CSNK1G2: variants seen among roughly 807,000 people sequenced by gnomAD.
CSNK1G2 encodes the protein casein kinase I isoform gamma-2.
A neutral mutation model predicts 48.0 loss-of-function variants in CSNK1G2; 11 were observed. The ratio of observed to expected loss-of-function variants is 0.23; its 90% CI spans 0.14 to 0.38. CSNK1G2 has a LOEUF of 0.38. Ranked by LOEUF, CSNK1G2 falls within the 10% of genes least tolerant of loss-of-function variation. CSNK1G2 has a pLI of 1.00. For synonymous variants in CSNK1G2, 337 were observed against 254.1 expected (o/e 1.33, Z -3.10); for missense variants, 446 against 595.5 (o/e 0.75, Z 2.61).
intron 1 of CSNK1G2, among the ~76,000 whole-genome samples, chr19:1,963,305 G>A (rs531560319): frequency 3.3e-5 from 5 of 151,944 alleles, no homozygotes; most frequent in African/African-American, 4.8e-5. Context: ...TCCACCTCCC[G>A]GGTTCATGCC....
Position 1,978,828 on chromosome 19 carries a change from G to A in CSNK1G2, c.448-31G>A. On this transcript the variant is annotated intron_variant, in intron 5 of 11. Coordinates refer to ENST00000255641, the MANE Select transcript of CSNK1G2 (RefSeq NM_001319.7). The surrounding 1 kb of genome is among the most constrained non-coding windows in gnomAD (Gnocchi z 7.3). ...AGGGGAGCGCGTGGGACGGGGAGGG[G>A]CCCGGCCGACACCGCCGTGCCCCCC... 2 of 1,592,384 alleles carry A rather than the reference G, an allele frequency of 1.3e-6. No individual in the cohort carries two copies. The highest frequency in any genetic ancestry group is 1.3e-5 in the African/African-American group (1 of 74,536).
intron 1 of CSNK1G2, chr19:1,942,627 T>A (rs2014409330): frequency 6.6e-6 from 1 of 150,954 alleles, no homozygotes; most frequent in Non-Finnish European, 1.5e-5. Flanking sequence ...CAAAGGCTCC[T>A]GTCTGGGGGA....
intron 2 of CSNK1G2, among the ~76,000 whole-genome samples, chr19:1,976,761 CAG>C (rs2015770964): frequency 3.4e-5 from 5 of 148,126 alleles, no homozygotes; most frequent in Admixed American, 6.7e-5. Context: ...TTTTTTGAGA[CAG>C]AGTTTCTCTC....
intron 1 of CSNK1G2, among the ~76,000 whole-genome samples, chr19:1,964,303 CA>C (rs542361268): frequency 1.6e-5 from 2 of 126,474 alleles, no homozygotes; most frequent in Non-Finnish European, 3.3e-5. Context: ...AAAAAAAAAA[CA>C]AAAAAAAACC....
Position 1,951,167 on chromosome 19 carries a change from C to T in CSNK1G2, c.-266+9749C>T, listed in dbSNP as rs184155228. Among the ~76,000 whole-genome samples the T allele has an allele frequency of 2.1e-4, 30 of 145,366 alleles. 7 individuals carry two copies. In the East Asian group the frequency reaches 4.5e-3, roughly 22 times the overall value. ...CTGTAATCCCAGCACTTTGGGAGGCCGAGACGGGCAGATCACGAGGTCAGG... is the reference window on the plus strand; with the variant it reads ...CTGTAATCCCAGCACTTTGGGAGGCTGAGACGGGCAGATCACGAGGTCAGG... On this transcript the variant is annotated intron_variant, in intron 1 of 11. Coordinates refer to ENST00000255641, the MANE Select transcript of CSNK1G2 (RefSeq NM_001319.7).
At chr19:1,945,489 G>A (rs774569058) in intron 1 of CSNK1G2, among the ~76,000 whole-genome samples, 4 of 152,222 alleles carry the variant, frequency 2.6e-5, no homozygotes, top group Non-Finnish European at 5.9e-5. Flanking sequence ...TCCCTGCACC[G>A]TGAGGCCCGA....
Position 1,959,790 on chromosome 19 carries a change from A to G in CSNK1G2, c.-265-9718A>G, listed in dbSNP as rs368125343. ...CAGCACCCGTCCCACCTTTAGTGCC[A>G]CCCTGGGTCCCCCAGCACCCGCCCC... On this transcript the variant is annotated intron_variant, in intron 1 of 11. Coordinates refer to ENST00000255641, the MANE Select transcript of CSNK1G2 (RefSeq NM_001319.7). Among the ~76,000 whole-genome samples the G allele has an allele frequency of 1.8e-5, 2 of 112,698 alleles. 1 individual carries two copies. The highest frequency in any genetic ancestry group is 3.3e-5 in the Non-Finnish European group (2 of 60,532). 73.9% of individuals were successfully genotyped at this position (112,698 alleles called of 152,430 possible).
chr19:1,961,542 G>A (rs1173564704), intron 1 of CSNK1G2, among the ~76,000 whole-genome samples: 1 of 152,248 alleles, frequency 6.6e-6, no homozygotes, highest in Non-Finnish European at 1.5e-5. Flanking sequence ...GGGATCCCAG[G>A]ACAGTGGAGC....
rs781397404 is a variant in CSNK1G2, at chr19:1,979,158, C to T, written c.683-5C>T. 7.8e-6 allele frequency: 12 copies of T among 1,532,418 alleles called. No homozygotes were observed. The African/African-American group carries it at 1.2e-4, about 16-fold the overall frequency. 94.9% of individuals were successfully genotyped at this position (1,532,418 alleles called of 1,614,324 possible). A position where few individuals can be genotyped will look rare whatever the true frequency, so the allele number is the denominator to read the frequency against. On this transcript the variant is annotated splice_polypyrimidine_tract_variant and splice_region_variant and intron_variant, in intron 6 of 11. Transcript: ENST00000255641. ...CCCGCTGAGGCTGCGCCCCTGTCCCCGCAGAGCAGAGCCGCCGCGACGACC... is the reference window on the plus strand; with the variant it reads ...CCCGCTGAGGCTGCGCCCCTGTCCCTGCAGAGCAGAGCCGCCGCGACGACC...
chr19:1,973,377 C>T (rs796858036), intron 2 of CSNK1G2, among the ~76,000 whole-genome samples: 4 of 152,188 alleles, frequency 2.6e-5, no homozygotes, highest in Admixed American at 6.5e-5. Flanking sequence ...CCTGCCACCA[C>T]GCCCAGCTAA....
intron 1 of CSNK1G2, among the ~76,000 whole-genome samples, chr19:1,960,600 ATAG>A (rs2015166232): frequency 6.6e-6 from 1 of 152,132 alleles, no homozygotes; most frequent in Non-Finnish European, 1.5e-5. Flanking sequence ...GGAAAATCTA[ATAG>A]TAGTCAGGGC....
chr19:1,967,527 T>C (rs79716982), intron 1 of CSNK1G2, among the ~76,000 whole-genome samples: 3 of 139,374 alleles, frequency 2.2e-5, no homozygotes, highest in Non-Finnish European at 4.7e-5. Flanking sequence ...GGCAGGTGGC[T>C]GCGGTGGCTC....
intron 1 of CSNK1G2, among the ~76,000 whole-genome samples, chr19:1,946,906 C>T (rs942367965): frequency 2.3e-4 from 35 of 151,882 alleles, no homozygotes; most frequent in East Asian, 9.7e-4. Flanking sequence ...CCACTGTGCC[C>T]GGCCTATTCA....
At position 1,976,420 on chromosome 19, in the gene CSNK1G2, G is replaced by T. The variant is rs140114202; in HGVS notation, c.188-1885G>T. On this transcript the variant is annotated intron_variant, in intron 2 of 11. Transcript: ENST00000255641. ...ATGCCACGTTGTTGAGGCTGTTTAG[G>T]GAACTTGACAAGCTGATTGGAAACT... Among the ~76,000 whole-genome samples the T allele has an allele frequency of 3.7e-3, 564 of 152,314 alleles. 7 individuals carry two copies. The highest frequency in any genetic ancestry group is 0.013 in the African/African-American group (534 of 41,568).
Position 1,943,898 on chromosome 19 carries a change from A to G in CSNK1G2, c.-266+2480A>G, listed in dbSNP as rs574075783. 1.3e-5 allele frequency among the ~76,000 whole-genome samples: 2 copies of G among 152,200 alleles called. 1 individual carries two copies. The highest frequency in any genetic ancestry group is 4.1e-4 in the South Asian group (2 of 4,826). On this transcript the variant is annotated intron_variant, in intron 1 of 11. Transcript: ENST00000255641. ...AGGCCTGGCGGAGGGCGGGTGGTGG[A>G]TGGAGGCAGCGCTGTGGGTGCTGTT...
Position 1,979,982 on chromosome 19 carries a change from A to T in CSNK1G2, c.1158A>T (p.Thr386=), listed in dbSNP as rs1457386116. The change falls in exon 11 of 12, where the codon ACA becomes ACT. Residue 386 remains threonine (T), a synonymous_variant. Transcript: ENST00000255641. The stretch of plus-strand genomic sequence containing the variant: ...CCGGCCACTCCAACGCCCCGATCAC[A>T]GCGCCTGCAGAGGTGGAGGTGGCCG... ...PTAGHSNAPI[T]APAEVEVADE... 1 of 1,587,932 alleles carries T rather than the reference A, an allele frequency of 6.3e-7. No homozygotes were observed. The highest frequency in any genetic ancestry group is 1.1e-5 in the South Asian group (1 of 87,916).
rs2015912858 is a variant in CSNK1G2 at position 1,979,789 on chromosome 19, C to T, written c.1040C>T (p.Ser347Phe). The T allele has an allele frequency of 6.2e-6, 10 of 1,607,630 alleles. No individual in the cohort carries two copies. The highest frequency in any genetic ancestry group is 8.5e-6 in the Non-Finnish European group (10 of 1,178,920). ...PIGTVHTDLPSQPQLRDKTQP... is the reference protein window; with the variant it reads ...PIGTVHTDLPFQPQLRDKTQP... Reference sequence around the variant, plus strand: ...GGCACCGTCCACACCGACCTGCCCTCCCAGCCTCAGCTCCGGGACAAAACC... The same window carrying T: ...GGCACCGTCCACACCGACCTGCCCTTCCAGCCTCAGCTCCGGGACAAAACC... The change falls in exon 10 of 12, where the codon TCC becomes TTC. Residue 347 changes from serine (S) to phenylalanine (F), a missense_variant. Physicochemically the swap from Ser to Phe is radical, Grantham distance 155. Around this residue, in one of 2 missense-constraint regions of CSNK1G2, gnomAD observed 188 missense variants for 179.6 expected, o/e 1.05. Transcript: ENST00000255641.
intron 2 of CSNK1G2, among the ~76,000 whole-genome samples, chr19:1,971,151 C>A (rs1301174639): frequency 3.3e-5 from 5 of 152,226 alleles, no homozygotes; most frequent in African/African-American, 7.2e-5. Flanking sequence ...AGTTATGCGG[C>A]AGAAGTGTGT....
At chr19:1,976,176 A>G (rs1568203467) in intron 2 of CSNK1G2, 1 of 1,112,922 alleles carries the variant, frequency 9.0e-7, no homozygotes. Context: ...CTGTTGTTTT[A>G]CGAGGAGAAT....
Sources: allele counts gnomAD v4.1 joint callset (sites outside exome capture counted in the v4.1 genomes callset), GRCh38; gene constraint gnomAD v4.1.1; regional missense constraint gnomAD v4.1.1; non-coding constraint Gnocchi (gnomAD v3.1); transcripts MANE v1.5; gene names NCBI Gene and HGNC (gene_info 2026-07-23, HGNC 2026-07-21).